PTPN21: variants seen among roughly 807,000 people sequenced by gnomAD.
PTPN21 encodes the protein tyrosine-protein phosphatase non-receptor type 21.
A neutral mutation model predicts 131.8 loss-of-function variants in PTPN21; 77 were observed. The observed-to-expected ratio is 0.58, with a 90% confidence interval of 0.49 to 0.71. The LOEUF (loss-of-function observed/expected upper bound fraction) is 0.71. PTPN21 is among the 30% of genes least tolerant of loss of function. The probability of loss-of-function intolerance (pLI) is 0.00; values close to 1 mark genes in which losing one functional copy is unlikely to be tolerated. For missense variants in PTPN21, 1,552 were observed against 1,527.1 expected (o/e 1.02, Z -0.27); for synonymous variants, 715 against 621.3 (o/e 1.15, Z -2.24).
intron 13 of PTPN21, 33 bp downstream of exon 13, chr14:88,478,887 C>G: frequency 7.1e-7 from 1 of 1,399,206 alleles, no homozygotes; most frequent in Non-Finnish European, 9.4e-7. Flanking sequence ...ACGCGCGGTC[C>G]CCTGGCCCGG....
Position 88,479,026 on chromosome 14 carries a change from G to T in PTPN21, c.2405C>A (p.Thr802Asn). ...CCGGGCTCGGTAGCGGCCTGACGTG[G>T]TGAGGTCGGACTCCGACATGGAGGG... ...LMPSMSESDL[T>N]TSGRYRARRD... The change falls in exon 13 of 19, where the codon ACC becomes AAC. Residue 802 changes from threonine (T) to asparagine (N), a missense_variant. By Grantham distance (65) the Thr-to-Asn change is moderately conservative. Transcript: ENST00000556564. The T allele has an allele frequency of 6.2e-7, 1 of 1,607,200 alleles. No individual in the cohort carries two copies.
intron 3 of PTPN21, 124 bp from the exon 4 acceptor site, chr14:88,508,144 G>GTT: frequency 4.6e-6 from 2 of 433,248 alleles, no homozygotes; most frequent in African/African-American, 2.4e-5. Context: ...CCACATGGTT[G>GTT]TGTGTGTTTT....
chr14:88,503,751 CA>C lies in PTPN21; in HGVS notation c.587+673del, dbSNP rs1354407714. 2.0e-5 allele frequency: 3 copies of C among 152,126 alleles called. No homozygotes were observed. The East Asian group carries it at 5.8e-4, about 29-fold the overall frequency. The allele number at this position is 152,126 out of a possible 1,614,324, so 9.4% of individuals were successfully genotyped here. ...TACATCTCGACTTAAAGAGTATTTT[CA>C]ACTTACTATGGGTTTATCAGGACTT... On this transcript the variant is annotated intron_variant, in intron 6 of 18. Coordinates refer to ENST00000556564, the MANE Select transcript of PTPN21 (RefSeq NM_007039.4).
chr14:88,510,121 A>T (rs2078154668), intron 3 of PTPN21, among the ~76,000 whole-genome samples: 1 of 152,202 alleles, frequency 6.6e-6, no homozygotes, highest in Non-Finnish European at 1.5e-5. Context: ...GCCTTACATT[A>T]TACTGTTATG....
Position 88,469,003 on chromosome 14 carries a change from C to T in PTPN21, c.3309G>A (p.Pro1103=), listed in dbSNP as rs150207988. 74 of 1,614,162 alleles carry T rather than the reference C, an allele frequency of 4.6e-5. No individual in the cohort carries two copies. Among genetic ancestry groups the T allele is most frequent in the East Asian group, 1.3e-4 (6 of 44,884 alleles). ...STSDPQSPNP[P]LLVHCSAGVG... ...CCCCAGCACTGCAGTGGACCAACAA[C>T]GGAGGGTTGGGGCTTTGGGGATCAC... The change falls in exon 18 of 19, where the codon CCG becomes CCA. Residue 1103 remains proline, a synonymous_variant. Transcript: ENST00000556564. This position sits in a 1 kb window ranked among gnomAD's most constrained non-coding sequence, Gnocchi z 4.3.
chr14:88,546,635 A>G (rs955131583), intron 2 of PTPN21, among the ~76,000 whole-genome samples: 4 of 151,912 alleles, frequency 2.6e-5, no homozygotes, highest in African/African-American at 9.7e-5. Flanking sequence ...ATTAAGCAAG[A>G]GGGACTTTTC....
intron 12 of PTPN21, among the ~76,000 whole-genome samples, chr14:88,481,073 A>C (rs2077646444): frequency 6.6e-6 from 1 of 152,174 alleles, no homozygotes; most frequent in Non-Finnish European, 1.5e-5. Flanking sequence ...CTTCTAGTCA[A>C]TTTGTAGCTC....
At position 88,469,489 on chromosome 14, in the gene PTPN21, A is replaced by T. The variant is rs763121661; in HGVS notation, c.3235+10T>A. The T allele has an allele frequency of 5.0e-6, 8 of 1,597,282 alleles. No homozygotes were observed. The East Asian group carries it at 1.8e-4, about 36-fold the overall frequency. ...GCAGCTGTCCTCGGAACAAAGTTAA[A>T]GTCACTCACATAAAAATCCCTTGAG... On this transcript the variant is annotated intron_variant, in intron 17 of 18. Transcript: ENST00000556564. This position sits in a 1 kb window ranked among gnomAD's most constrained non-coding sequence, Gnocchi z 4.3.
chr14:88,485,196 C>T (rs2140107661), intron 11 of PTPN21, 36 bp from the exon 12 acceptor site: 2 of 1,355,474 alleles, frequency 1.5e-6, no homozygotes, highest in South Asian at 1.4e-5. Flanking sequence ...GGTTGAAACA[C>T]ATTGCTTATG....
At chr14:88,497,140 CAGAAGTAGAACTTGTTAACTTTT>C in intron 9 of PTPN21, 40 bp downstream of exon 9, 1 of 1,285,742 alleles carries the variant, frequency 7.8e-7, no homozygotes, top group Non-Finnish European at 1.1e-6. Context: ...TACAGGCACG[CAGAAGTAGAACTTGTTAACTTTT>C]AGGAAAAACA....
At chr14:88,531,645 G>A (rs1301745063) in intron 2 of PTPN21, among the ~76,000 whole-genome samples, 1 of 152,040 alleles carries the variant, frequency 6.6e-6, no homozygotes, top group Non-Finnish European at 1.5e-5. Context: ...TTAACTCATA[G>A]CATTAAATGC....
At chr14:88,498,807 C>T (rs991929278) in intron 8 of PTPN21, among the ~76,000 whole-genome samples, 5 of 151,892 alleles carry the variant, frequency 3.3e-5, no homozygotes, top group African/African-American at 4.8e-5. Context: ...CTAATTTTAT[C>T]GTATTAGCTT....
chr14:88,480,312 G>A lies in PTPN21; in HGVS notation c.1119C>T (p.His373=), dbSNP rs2077633951. The change falls in exon 13 of 19, where the codon CAC becomes CAT. Residue 373 remains histidine, a synonymous_variant. Coordinates refer to ENST00000556564, the MANE Select transcript of PTPN21 (RefSeq NM_007039.4). The part of the protein sequence containing the change: ...FVPNQNGYYC[H]SQTSLDRAQI... Reference sequence around the variant, plus strand: ...GGGCTCTATCCAAGCTTGTCTGAGAGTGACAGTAGTATCCGTTCTGGTTGG... The same window carrying A: ...GGGCTCTATCCAAGCTTGTCTGAGAATGACAGTAGTATCCGTTCTGGTTGG... 1 of 1,614,020 alleles carries A rather than the reference G, an allele frequency of 6.2e-7. No individual in the cohort carries two copies. Among genetic ancestry groups the A allele is most frequent in the African/African-American group, 1.3e-5 (1 of 74,930 alleles).
At chr14:88,528,308 T>C (rs2078510000) in intron 2 of PTPN21, among the ~76,000 whole-genome samples, 1 of 152,248 alleles carries the variant, frequency 6.6e-6, no homozygotes, top group Non-Finnish European at 1.5e-5. Flanking sequence ...TTTGTTTCTG[T>C]TATCTATGAT....
chr14:88,527,995 T>G (rs2078504336), intron 2 of PTPN21, among the ~76,000 whole-genome samples: 1 of 152,220 alleles, frequency 6.6e-6, no homozygotes, highest in Admixed American at 6.5e-5. Flanking sequence ...GGTTCTCTAT[T>G]CTGTTCCATT....
In PTPN21 at chr14:88,468,969, T is replaced by C; in HGVS notation, c.3343A>G (p.Thr1115Ala). ...LVHCSAGVGR[T>A]GVVILSEIMI... ...ATCTCCGACAAAATCACCACGCCAGTCCTTCCTACCCCAGCACTGCAGTGG... is the reference window on the plus strand; with the variant it reads ...ATCTCCGACAAAATCACCACGCCAGCCCTTCCTACCCCAGCACTGCAGTGG... The change falls in exon 18 of 19, where the codon ACT (threonine) becomes GCT (alanine). Residue 1115 changes from threonine to alanine, a missense_variant. By Grantham distance (58) the Thr-to-Ala change is moderately conservative. Coordinates refer to ENST00000556564, the MANE Select transcript of PTPN21 (RefSeq NM_007039.4). 6.2e-7 allele frequency: 1 copy of C among 1,614,136 alleles called. No individual in the cohort carries two copies. The highest frequency in any genetic ancestry group is 8.5e-7 in the Non-Finnish European group (1 of 1,180,016).
In PTPN21 at chr14:88,478,939, TC is replaced by T; in HGVS notation, c.2491del (p.Glu831LysfsTer6). 1 of 1,511,850 alleles carries T rather than the reference TC, an allele frequency of 6.6e-7. No homozygotes were observed. Among genetic ancestry groups the T allele is most frequent in the South Asian group, 1.3e-5 (1 of 76,052 alleles). The allele number at this position is 1,511,850 out of a possible 1,614,324, so 93.7% of individuals were successfully genotyped here. The stretch of plus-strand genomic sequence containing the variant: ...GCTTACCCCTAGAGGCGGGAGCCCT[TC>T]CACGATGTTCTTCTTCCCAGAGAGA... Reference protein sequence around the residue: ...DLLSGKKNIVEGLPPLGGMKK... With the variant: ...DLLSGKKNIVXGLPPLGGMKK... On this transcript the variant is annotated frameshift_variant, in exon 13 of 19. Transcript: ENST00000556564. LOFTEE classifies it high-confidence loss of function.
intron 2 of PTPN21, among the ~76,000 whole-genome samples, chr14:88,521,965 T>G (rs1335657185): frequency 3.9e-5 from 6 of 152,232 alleles, no homozygotes; most frequent in African/African-American, 7.2e-5. Context: ...TGTTAAAATA[T>G]GCTAACTTTA....
intron 3 of PTPN21, among the ~76,000 whole-genome samples, chr14:88,509,865 A>G (rs1401739467): frequency 1.3e-5 from 2 of 152,130 alleles, no homozygotes; most frequent in Admixed American, 6.5e-5. Context: ...GTGAAACCCC[A>G]TCTCTACTAA....
Sources: allele counts gnomAD v4.1 joint callset (sites outside exome capture counted in the v4.1 genomes callset), GRCh38; gene constraint gnomAD v4.1.1; non-coding constraint Gnocchi (gnomAD v3.1); transcripts MANE v1.5; gene names NCBI Gene and HGNC (gene_info 2026-07-23, HGNC 2026-07-21).